Variants in CACNA1C observed in about 807,000 individuals in gnomAD.
CACNA1C encodes the protein voltage-dependent L-type calcium channel subunit alpha-1C.
CACNA1C carries 30 observed loss-of-function variants against 229.0 expected under a neutral mutation model. That is an observed-to-expected ratio of 0.13 (90% CI 0.10 to 0.18). The LOEUF (loss-of-function observed/expected upper bound fraction) is 0.18, where lower values mean the gene tolerates loss of function less well. Ranked by LOEUF, CACNA1C falls within the 10% of genes least tolerant of loss-of-function variation. CACNA1C has a pLI of 1.00. For missense variants in CACNA1C, 1,658 were observed against 2,845.0 expected, an observed-to-expected ratio of 0.58 and a Z score of 9.49; for synonymous variants, 1,114 against 1,132.5, an observed-to-expected ratio of 0.98 and a Z score of 0.33.
At chr12:2,450,422 C>T (rs571768885) in intron 4 of CACNA1C, among the ~76,000 whole-genome samples, 17 of 151,658 alleles carry the variant, frequency 1.1e-4, no homozygotes, top group South Asian at 2.1e-4. Context: ...GGCGAGGTGG[C>T]GGGCGCCTGT....
chr12:2,113,930 C>T (rs1565775966), intron 1 of CACNA1C, among the ~76,000 whole-genome samples: 1 of 152,212 alleles, frequency 6.6e-6, no homozygotes, highest in Non-Finnish European at 1.5e-5. Flanking sequence ...GGTTGGAGCC[C>T]TGGGTTGCAC....
Position 2,348,382 on chromosome 12 carries a change from C to G in CACNA1C, c.478-100594C>G, listed in dbSNP as rs1231437493. On this transcript the variant is annotated intron_variant, in intron 3 of 46. Transcript: ENST00000399655. The surrounding 1 kb of genome is among the most constrained non-coding windows in gnomAD (Gnocchi z 4.7). ...AAGAGCTCCCGGCCCACGACTGAGT[C>G]ACGCGGCTTCTTAGCAACTTAGTCA... Among the ~76,000 whole-genome samples the G allele has an allele frequency of 6.6e-6, 1 of 152,202 alleles. No individual in the cohort carries two copies. The highest frequency in any genetic ancestry group is 1.5e-5 in the Non-Finnish European group (1 of 68,044).
intron 3 of CACNA1C, among the ~76,000 whole-genome samples, chr12:2,255,911 G>T (rs1364059570): frequency 3.3e-5 from 5 of 151,622 alleles, no homozygotes; most frequent in East Asian, 1.9e-4. Context: ...ACAATCACAC[G>T]ACCCTGACCT....
chr12:2,409,778 G>C (rs1222727403), intron 3 of CACNA1C, among the ~76,000 whole-genome samples: 2 of 152,220 alleles, frequency 1.3e-5, no homozygotes, highest in Admixed American at 6.5e-5. Context: ...CTCCCTTGGT[G>C]CCTCCCATGG....
chr12:2,521,264 G>C (rs1805513853), intron 9 of CACNA1C, among the ~76,000 whole-genome samples: 1 of 152,242 alleles, frequency 6.6e-6, no homozygotes, highest in East Asian at 1.9e-4. Context: ...AGCAGCAGGG[G>C]CTGGGTCGGG....
rs1294107836 is a variant in CACNA1C at position 2,602,572 on chromosome 12, T to C, written c.2960+612T>C. ...CTATGGACGTGAATGTATATGTGTA[T>C]GTATGTGCATATGTATGTGTGAGTG... is the stretch of plus-strand genomic sequence containing the variant. On this transcript the variant is annotated intron_variant, in intron 22 of 46. Transcript: ENST00000399655. This position sits in a 1 kb window ranked among gnomAD's most constrained non-coding sequence, Gnocchi z 4.4. Among the ~76,000 whole-genome samples, 2 of 152,024 alleles carry C rather than the reference T, an allele frequency of 1.3e-5. No individual in the cohort carries two copies. Among genetic ancestry groups the C allele is most frequent in the African/African-American group, 4.8e-5 (2 of 41,338 alleles).
At chr12:2,543,841 C>G (rs2099876472) in intron 9 of CACNA1C, among the ~76,000 whole-genome samples, 2 of 152,184 alleles carry the variant, frequency 1.3e-5, no homozygotes, top group South Asian at 4.1e-4. Flanking sequence ...AATTGGACAA[C>G]ATAGGACACT....
At chr12:2,427,432 G>C (rs1466779391) in intron 3 of CACNA1C, among the ~76,000 whole-genome samples, 1 of 151,990 alleles carries the variant, frequency 6.6e-6, no homozygotes, top group Non-Finnish European at 1.5e-5. Flanking sequence ...TTTTGCTTTT[G>C]TACTGATCAA....
intron 21 of CACNA1C, among the ~76,000 whole-genome samples, chr12:2,599,884 G>A (rs2071006367): frequency 1.3e-5 from 2 of 152,278 alleles, no homozygotes; most frequent in South Asian, 2.1e-4. Context: ...CTGGATGCAT[G>A]TTCCCACCGC....
At chr12:2,100,805 C>A (rs926376947) in intron 1 of CACNA1C, among the ~76,000 whole-genome samples, 1 of 151,476 alleles carries the variant, frequency 6.6e-6, no homozygotes, top group African/African-American at 2.4e-5. Flanking sequence ...GTAATCCTAG[C>A]ACTTTGGGAG....
At chr12:2,645,062 T>C (rs886337271) in intron 30 of CACNA1C, among the ~76,000 whole-genome samples, 2 of 152,218 alleles carry the variant, frequency 1.3e-5, no homozygotes, top group African/African-American at 2.4e-5. Context: ...TGCCCCAATA[T>C]CATGAAATCA....
intron 8 of CACNA1C, among the ~76,000 whole-genome samples, chr12:2,508,163 G>A (rs1449633611): frequency 6.6e-6 from 1 of 152,248 alleles, no homozygotes; most frequent in Non-Finnish European, 1.5e-5. Context: ...CAGTCTTGGA[G>A]CCTTCTGGGA....
intron 38 of CACNA1C, 145 bp downstream of exon 38, chr12:2,669,180 A>T (rs770409290): frequency 1.5e-6 from 1 of 661,500 alleles, no homozygotes; most frequent in Non-Finnish European, 2.7e-6. Context: ...CGTGCGCTCC[A>T]GGACATCGCA....
At chr12:2,443,145 G>A (rs973666901) in intron 3 of CACNA1C, among the ~76,000 whole-genome samples, 5 of 152,180 alleles carry the variant, frequency 3.3e-5, no homozygotes, top group Admixed American at 6.5e-5. Context: ...GAGCAAGATG[G>A]AAGGCAAATC....
Position 2,486,256 on chromosome 12 carries a change from A to C in CACNA1C, c.910A>C (p.Ile304Leu), listed in dbSNP as rs1597763675. 6 of 1,612,928 alleles carry C rather than the reference A, an allele frequency of 3.7e-6. No individual in the cohort carries two copies. In the East Asian group the frequency reaches 1.3e-4, roughly 36 times the overall value. ...CAAGACCTGCTACAACCAGGAGGGC[A>C]TAGCAGGTAAGAGGGGCAGGCGGCT... Reference protein sequence around the residue: ...MHKTCYNQEGIADVPAEDDPS... With the variant: ...MHKTCYNQEGLADVPAEDDPS... The change falls in exon 6 of 47, where the codon ATA becomes CTA. Residue 304 changes from isoleucine (I) to leucine (L), a missense_variant. Transcript: ENST00000399655. The surrounding 1 kb of genome is among the most constrained non-coding windows in gnomAD (Gnocchi z 4.9).
intron 3 of CACNA1C, among the ~76,000 whole-genome samples, chr12:2,225,707 G>A (rs2062768456): frequency 6.6e-6 from 1 of 152,184 alleles, no homozygotes; most frequent in South Asian, 2.1e-4. Flanking sequence ...CCCTGTTAAG[G>A]GGAAAGGTCT....
chr12:2,174,910 T>C (rs542963825), intron 3 of CACNA1C, among the ~76,000 whole-genome samples: 8 of 152,196 alleles, frequency 5.3e-5, no homozygotes, highest in Non-Finnish European at 1.0e-4. Flanking sequence ...ATTGTAAAGG[T>C]CTTCATCCTC....
chr12:2,235,723 C>G (rs1272951854), intron 3 of CACNA1C, among the ~76,000 whole-genome samples: 1 of 152,112 alleles, frequency 6.6e-6, no homozygotes, highest in Non-Finnish European at 1.5e-5. Context: ...GATGTGATGG[C>G]CAGGACAAAG....
At chr12:2,569,362 TG>T (rs1430620917) in intron 13 of CACNA1C, among the ~76,000 whole-genome samples, 1 of 152,228 alleles carries the variant, frequency 6.6e-6, no homozygotes, top group Non-Finnish European at 1.5e-5. Flanking sequence ...GTAACTTAAT[TG>T]TTTTTTTATA....
Sources: allele counts gnomAD v4.1 joint callset (sites outside exome capture counted in the v4.1 genomes callset), GRCh38; gene constraint gnomAD v4.1.1; non-coding constraint Gnocchi (gnomAD v3.1); transcripts MANE v1.5; gene names NCBI Gene and HGNC (gene_info 2026-07-23, HGNC 2026-07-21).